The following HIP1 variants were observed in gnomAD, a reference collection of about 807,000 sequenced individuals.
HIP1 encodes huntingtin-interacting protein 1.
In HIP1, 65 loss-of-function variants were observed where a neutral mutation model predicts 147.6. The ratio of observed to expected loss-of-function variants is 0.44; its 90% CI spans 0.36 to 0.54. The LOEUF is 0.54. Ranked by LOEUF, HIP1 falls within the 20% of genes least tolerant of loss-of-function variation. The pLI, the probability that HIP1 is intolerant of heterozygous loss-of-function variation, is 0.00. For synonymous variants in HIP1, 479 were observed against 504.0 expected, an observed-to-expected ratio of 0.95 and a Z score of 0.67; for missense variants, 1,061 against 1,299.6, an observed-to-expected ratio of 0.82 and a Z score of 2.82.
At chr7:75,716,057 C>T (rs948892321) in intron 1 of HIP1, among the ~76,000 whole-genome samples, 5 of 151,966 alleles carry the variant, frequency 3.3e-5, no homozygotes, top group South Asian at 2.1e-4. Flanking sequence ...ATGAGGGATC[C>T]GCCCCCGTGA....
rs1795291679 is a variant in HIP1 at position 75,563,215 on chromosome 7, C to T, written c.852G>A (p.Arg284=). The part of the protein sequence containing the change: ...YRSSNLQYFK[R]LIQIPQLPEN... Reference sequence around the variant, plus strand: ...CAGGCAGCTGGGGGATCTGAATGAGCCGCTTGAAGTACTGCAGGTTGCTGG... The same window carrying T: ...CAGGCAGCTGGGGGATCTGAATGAGTCGCTTGAAGTACTGCAGGTTGCTGG... Residue 284 remains arginine, a synonymous_variant, in exon 10 of 31, where the codon CGG becomes CGA. Transcript: ENST00000336926. 1.9e-5 allele frequency: 31 copies of T among 1,614,104 alleles called. No individual in the cohort carries two copies. The highest frequency in any genetic ancestry group is 2.4e-5 in the Non-Finnish European group (28 of 1,180,040).
At chr7:75,539,525 GC>G (rs782081714) in intron 29 of HIP1, 94 bp from the exon 30 acceptor site, 7 of 1,000,642 alleles carry the variant, frequency 7.0e-6, no homozygotes, top group Non-Finnish European at 1.0e-5. Flanking sequence ...TTGTTCTGCT[GC>G]CCAGGCTGGT....
rs587611834 is a variant in HIP1, at chr7:75,608,526, T to C, written c.121-9279A>G. Among the ~76,000 whole-genome samples the C allele has an allele frequency of 2.0e-5, 3 of 152,274 alleles. No individual in the cohort carries two copies. The East Asian group carries it at 5.8e-4, about 29-fold the overall frequency. On this transcript the variant is annotated intron_variant, in intron 1 of 30. Transcript: ENST00000336926. ...TGAAGGAAACTAACAAGCTGGACCA[T>C]TTCCAAAAAAGAGTGACCTGGATTG...
intron 1 of HIP1, among the ~76,000 whole-genome samples, chr7:75,686,990 A>C (rs1554517650): frequency 6.6e-6 from 1 of 151,512 alleles, no homozygotes; most frequent in Non-Finnish European, 1.5e-5. Flanking sequence ...CAGCCTGATG[A>C]GCTTTGCTAT....
chr7:75,673,200 T>C (rs1470655654), intron 1 of HIP1, among the ~76,000 whole-genome samples: 1 of 152,052 alleles, frequency 6.6e-6, no homozygotes, highest in African/African-American at 2.4e-5. Context: ...TTTTTCTGTT[T>C]TTAGTAGAGA....
intron 1 of HIP1, among the ~76,000 whole-genome samples, chr7:75,674,863 C>T (rs1335075181): frequency 2.6e-5 from 4 of 151,602 alleles, no homozygotes; most frequent in Admixed American, 2.6e-4. Flanking sequence ...AGTCACTTCT[C>T]GCTGCTTCCT....
intron 1 of HIP1, among the ~76,000 whole-genome samples, chr7:75,676,774 C>T (rs1799905951): frequency 9.9e-6 from 1 of 100,642 alleles, no homozygotes; most frequent in African/African-American, 4.5e-5. Flanking sequence ...GAAACTCCAT[C>T]TCAAAGAAAA....
intron 1 of HIP1, among the ~76,000 whole-genome samples, chr7:75,688,809 C>T (rs1429943388): frequency 9.9e-5 from 15 of 152,202 alleles, no homozygotes; most frequent in African/African-American, 3.1e-4. Context: ...CCCGTGGCCC[C>T]GGCGTGTCCC....
intron 19 of HIP1, 85 bp downstream of exon 19, chr7:75,555,331 G>A (rs1794956503): frequency 2.0e-6 from 3 of 1,528,602 alleles, no homozygotes; most frequent in East Asian, 4.5e-5. Context: ...GAGCCCCTGA[G>A]CTAAGTCTCA....
intron 28 of HIP1, 58 bp from the exon 29 acceptor site, chr7:75,542,038 G>C: frequency 4.3e-6 from 6 of 1,401,752 alleles, no homozygotes; most frequent in African/African-American, 1.4e-5. Context: ...ACTGGCACCT[G>C]AGAGGCAGCC....
At chr7:75,602,816 G>A (rs1173923697) in intron 1 of HIP1, among the ~76,000 whole-genome samples, 4 of 48,000 alleles carry the variant, frequency 8.3e-5, no homozygotes, top group South Asian at 6.7e-4. Flanking sequence ...CCCCCACCCC[G>A]TACCTATGAA....
rs1796526488 is a variant in HIP1, at chr7:75,592,369, C to A, written c.327+3G>T. 6.2e-7 allele frequency: 1 copy of A among 1,602,436 alleles called. No individual in the cohort carries two copies. Among genetic ancestry groups the A allele is most frequent in the South Asian group, 1.1e-5 (1 of 90,164 alleles). The stretch of plus-strand genomic sequence containing the variant: ...CTGCCACCCCATAGCCCCAGGAACT[C>A]ACGTTCGGGTGTCCATCTCGGAGGA... On this transcript the variant is annotated splice_donor_region_variant and intron_variant, in intron 3 of 30. Coordinates refer to ENST00000336926, the MANE Select transcript of HIP1 (RefSeq NM_005338.7).
chr7:75,547,657 T>C (rs1158025288), intron 24 of HIP1, 98 bp downstream of exon 24: 5 of 975,866 alleles, frequency 5.1e-6, no homozygotes, highest in African/African-American at 4.8e-5. Flanking sequence ...TGGCTGCTAC[T>C]GCTCTCCTCT....
At chr7:75,593,768 C>A (rs1433286416) in intron 2 of HIP1, among the ~76,000 whole-genome samples, 1 of 152,066 alleles carries the variant, frequency 6.6e-6, no homozygotes, top group Non-Finnish European at 1.5e-5. Flanking sequence ...TTTAGCCAGC[C>A]TTTTGCTTGC....
intron 1 of HIP1, among the ~76,000 whole-genome samples, chr7:75,659,261 C>T (rs782408002): frequency 1.3e-5 from 2 of 152,214 alleles, no homozygotes; most frequent in Non-Finnish European, 2.9e-5. Flanking sequence ...GACTCCCCTT[C>T]TTCTAGCTCC....
chr7:75,634,841 G>A (rs1264892045), intron 1 of HIP1, among the ~76,000 whole-genome samples: 1 of 150,074 alleles, frequency 6.7e-6, no homozygotes, highest in Non-Finnish European at 1.5e-5. Context: ...TCAGGAGGCA[G>A]AGGCGAGACA....
intron 1 of HIP1, among the ~76,000 whole-genome samples, chr7:75,654,212 T>A (rs1311606488): frequency 1.3e-5 from 2 of 152,038 alleles, no homozygotes; most frequent in African/African-American, 4.8e-5. Flanking sequence ...CTGGTCAACA[T>A]GATGAAACCC....
intron 1 of HIP1, among the ~76,000 whole-genome samples, chr7:75,698,938 T>G (rs2117318453): frequency 6.6e-6 from 1 of 152,284 alleles, no homozygotes; most frequent in East Asian, 1.9e-4. Context: ...ATCAGTCAAT[T>G]AGTGGTTCTC....
In HIP1 at chr7:75,694,221, A is replaced by G. The variant is rs185014352; in HGVS notation, c.120+44580T>C. Among the ~76,000 whole-genome samples, 472 of 151,906 alleles carry G rather than the reference A, an allele frequency of 3.1e-3. 8 individuals carry two copies. Among genetic ancestry groups the G allele is most frequent in the Middle Eastern group, 6.8e-3 (2 of 294 alleles). ...GCGTGAGCCACCGCGCCCGGCCCCA[A>G]TTCTCATTTCTTTACTAGATGCCTG... On this transcript the variant is annotated intron_variant, in intron 1 of 30. Coordinates refer to ENST00000336926, the MANE Select transcript of HIP1 (RefSeq NM_005338.7).
Sources: gnomAD v4.1 joint callset for allele counts (sites outside exome capture counted in the v4.1 genomes callset) on GRCh38, gnomAD v4.1.1 for gene constraint, MANE v1.5 for transcripts, NCBI Gene and HGNC (gene_info 2026-07-23, HGNC 2026-07-21) for gene names.